Variants in NAV2 observed in about 807,000 individuals in gnomAD.
NAV2 encodes neuron navigator 2.
A neutral mutation model predicts 223.2 loss-of-function variants in NAV2; 54 were observed. The observed-to-expected ratio is 0.24, with a 90% CI of 0.19 to 0.30. The LOEUF (loss-of-function observed/expected upper bound fraction) is 0.30, where lower values mean the gene tolerates loss of function less well. Ranked by LOEUF, NAV2 falls within the 10% of genes least tolerant of loss-of-function variation. The probability of loss-of-function intolerance (pLI) is 1.00; values close to 1 mark genes in which losing one functional copy is unlikely to be tolerated. For missense variants in NAV2, 2,806 were observed against 3,147.5 expected, an observed-to-expected ratio of 0.89 and a Z score of 2.60; for synonymous variants, 1,279 against 1,239.3, an observed-to-expected ratio of 1.03 and a Z score of -0.67.
At chr11:19,598,607 A>G (rs1302825422) in intron 1 of NAV2, among the ~76,000 whole-genome samples, 40 of 152,136 alleles carry the variant, frequency 2.6e-4, no homozygotes, top group Admixed American at 2.6e-3. Flanking sequence ...CTCTGAGGTT[A>G]ATATAATTAT....
intron 11 of NAV2, among the ~76,000 whole-genome samples, chr11:20,013,870 T>C (rs377331264): frequency 2.5e-4 from 38 of 152,300 alleles, no homozygotes; most frequent in African/African-American, 8.7e-4. Context: ...ACCTCTGGGG[T>C]GGCAGCCTGC....
intron 3 of NAV2, among the ~76,000 whole-genome samples, chr11:19,847,587 T>A (rs147970661): frequency 0.011 from 1,602 of 152,326 alleles, 11 homozygotes; most frequent in South Asian, 0.017. Flanking sequence ...ACTTGACTCT[T>A]TGAAGCCTCA....
chr11:19,420,612 C>T (rs1850570468), intron 1 of NAV2, among the ~76,000 whole-genome samples: 1 of 152,164 alleles, frequency 6.6e-6, no homozygotes, highest in Non-Finnish European at 1.5e-5. Flanking sequence ...ATCAATCTTG[C>T]AGACATAATG....
chr11:19,702,550 G>T (rs906600387), intron 1 of NAV2, among the ~76,000 whole-genome samples: 5 of 152,092 alleles, frequency 3.3e-5, no homozygotes, highest in African/African-American at 1.2e-4. Flanking sequence ...AGGCCAAGGC[G>T]GGCAGATTGC....
intron 31 of NAV2, among the ~76,000 whole-genome samples, chr11:20,098,898 A>G (rs541084281): frequency 7.9e-5 from 12 of 152,316 alleles, no homozygotes; most frequent in Non-Finnish European, 1.5e-4. Flanking sequence ...AGCTTTGCCC[A>G]TCGGCTGTGC....
chr11:19,711,886 A>C (rs147838114), upstream of NAV2: 129 of 152,388 alleles, frequency 8.5e-4, no homozygotes, highest in African/African-American at 2.8e-3. Context: ...GTGAAAACAG[A>C]AGCTTTATAA....
At chr11:19,958,271 A>C (rs1406765732) in intron 10 of NAV2, among the ~76,000 whole-genome samples, 2 of 152,224 alleles carry the variant, frequency 1.3e-5, no homozygotes, top group African/African-American at 4.8e-5. Context: ...CCCGTGTAAA[A>C]AGTGTTTATT....
At chr11:20,090,774 C>A (rs777476464) in intron 26 of NAV2, 91 bp from the exon 27 acceptor site, 44 of 1,398,094 alleles carry the variant, frequency 3.1e-5, no homozygotes, top group Non-Finnish European at 4.1e-5. Context: ...TTCACAGTTA[C>A]TGCTAAACAA....
At chr11:19,413,274 G>T (rs1850224026) in intron 1 of NAV2, among the ~76,000 whole-genome samples, 1 of 152,082 alleles carries the variant, frequency 6.6e-6, no homozygotes, top group Non-Finnish European at 1.5e-5. Flanking sequence ...ACTTCGTGAA[G>T]CATAAACAAG....
intron 1 of NAV2, among the ~76,000 whole-genome samples, chr11:19,379,528 G>A (rs972959326): frequency 1.3e-5 from 2 of 152,166 alleles, no homozygotes; most frequent in Non-Finnish European, 2.9e-5. Flanking sequence ...AGATACCTGA[G>A]TGGCCGTTGT....
chr11:19,393,737 T>C (rs1849333192), intron 1 of NAV2, among the ~76,000 whole-genome samples: 2 of 152,184 alleles, frequency 1.3e-5, no homozygotes, highest in Non-Finnish European at 2.9e-5. Context: ...CTAGGCTTTT[T>C]AATTTGGATT....
intron 35 of NAV2, among the ~76,000 whole-genome samples, chr11:20,106,534 T>TGG (rs1245697267): frequency 2.7e-5 from 3 of 111,392 alleles, no homozygotes; most frequent in African/African-American, 1.0e-4. Flanking sequence ...CACTCCAGCC[T>TGG]GGGGAACAGA....
chr11:19,856,553 T>C (rs11025292), intron 3 of NAV2, among the ~76,000 whole-genome samples: 1 of 152,062 alleles, frequency 6.6e-6, no homozygotes, highest in Non-Finnish European at 1.5e-5. Context: ...AACTAGCTTT[T>C]GAAATAAAAA....
chr11:19,907,855 C>T (rs1027749114), intron 6 of NAV2, among the ~76,000 whole-genome samples: 6 of 152,154 alleles, frequency 3.9e-5, no homozygotes, highest in African/African-American at 1.4e-4. Context: ...TGTCTTAATG[C>T]ATCCAGACCC....
chr11:19,445,272 G>A (rs1851542203), intron 1 of NAV2, among the ~76,000 whole-genome samples: 1 of 152,114 alleles, frequency 6.6e-6, no homozygotes, highest in Non-Finnish European at 1.5e-5. Context: ...TTTCTGGCAG[G>A]TGGTTTTTTT....
At chr11:19,894,972 C>G (rs911035109) in intron 6 of NAV2, among the ~76,000 whole-genome samples, 1 of 151,436 alleles carries the variant, frequency 6.6e-6, no homozygotes, top group Admixed American at 6.6e-5. Context: ...TCAGTTGATC[C>G]GCCCGCCTCT....
intron 3 of NAV2, among the ~76,000 whole-genome samples, chr11:19,848,488 A>G (rs2060930869): frequency 6.6e-6 from 1 of 152,182 alleles, no homozygotes; most frequent in Non-Finnish European, 1.5e-5. Flanking sequence ...AAGTCGGATT[A>G]GGTCTTACCT....
At chr11:19,346,436 G>A (rs1009867592), upstream of NAV2, among the ~76,000 whole-genome samples, 1 of 152,192 alleles carries the variant, frequency 6.6e-6, no homozygotes, top group Non-Finnish European at 1.5e-5. Flanking sequence ...AGCTGCGGGC[G>A]GCGGGCTAGG....
chr11:19,677,679 C>G (rs1309819552), intron 1 of NAV2, among the ~76,000 whole-genome samples: 1 of 152,230 alleles, frequency 6.6e-6, no homozygotes, highest in Non-Finnish European at 1.5e-5. Context: ...AGACTCACAG[C>G]CCTGACTGAG....
Sources: gnomAD v4.1 joint callset for allele counts (sites outside exome capture counted in the v4.1 genomes callset) on GRCh38, gnomAD v4.1.1 for gene constraint, MANE v1.5 for transcripts, NCBI Gene and HGNC (gene_info 2026-07-23, HGNC 2026-07-21) for gene names.